The following DMD variants were observed in gnomAD, a reference collection of about 807,000 sequenced individuals.
DMD encodes dystrophin.
Under a neutral mutation model 330.1 loss-of-function variants are expected in DMD, and 63 were observed. The observed-to-expected ratio is 0.19, with a 90% CI of 0.16 to 0.24. The LOEUF is 0.24. Ranked by LOEUF, DMD falls within the 10% of genes least tolerant of loss-of-function variation. The probability of loss-of-function intolerance (pLI) is 1.00; values close to 1 mark genes in which losing one functional copy is unlikely to be tolerated. For missense variants in DMD, 3,344 were observed against 2,684.1 expected (o/e 1.25, Z -5.43); for synonymous variants, 1,223 against 959.8 (o/e 1.27, Z -5.07).
intron 50 of DMD, 127 bp downstream of exon 50, chrX:31,819,848 A>G (rs1361748463): frequency 8.8e-6 from 5 of 567,041 alleles, no homozygotes; most frequent in South Asian, 5.1e-5. Context: ...TGCACAGTCA[A>G]TAACACAAAG....
chrX:33,336,900 A>G (rs2054262507), intron 1 of DMD, among the ~76,000 whole-genome samples: 1 of 111,118 alleles, frequency 9.0e-6, no homozygotes, highest in African/African-American at 3.3e-5. Flanking sequence ...AGCTCTTACA[A>G]TGCATTTATC....
At chrX:32,774,165 G>A (rs2073916164) in intron 7 of DMD, among the ~76,000 whole-genome samples, 1 of 112,045 alleles carries the variant, frequency 8.9e-6, no homozygotes, top group African/African-American at 3.2e-5. Flanking sequence ...TTCCACGATT[G>A]TAATATAAGA....
At chrX:32,837,072 C>T (rs1212307628) in intron 4 of DMD, among the ~76,000 whole-genome samples, 4 of 111,584 alleles carry the variant, frequency 3.6e-5, no homozygotes. Context: ...GTGGTATGGC[C>T]TCAAAGGTGA....
chrX:32,621,937 G>C (rs1245982112), intron 11 of DMD, among the ~76,000 whole-genome samples: 1 of 111,357 alleles, frequency 9.0e-6, no homozygotes, highest in South Asian at 3.8e-4. Flanking sequence ...CTGGGATGAG[G>C]TCTAGAAATG....
intron 59 of DMD, among the ~76,000 whole-genome samples, chrX:31,465,966 G>A (rs967415343): frequency 8.9e-6 from 1 of 111,895 alleles, no homozygotes; most frequent in Non-Finnish European, 1.9e-5. Context: ...CATGTTTGTT[G>A]GCCGCATAAA....
intron 4 of DMD, among the ~76,000 whole-genome samples, chrX:32,829,218 T>G (rs1056619392): frequency 9.0e-6 from 1 of 111,593 alleles, no homozygotes; most frequent in African/African-American, 3.2e-5. Context: ...GCTTAAAGTA[T>G]ATAAATTATT....
intron 29 of DMD, among the ~76,000 whole-genome samples, chrX:32,417,954 A>G (rs774137198): frequency 8.1e-4 from 81 of 100,126 alleles, no homozygotes; most frequent in Admixed American, 1.1e-3. Context: ...AAGTGCAGTT[A>G]AAAAAAAAAA....
chrX:31,141,231 CAACAAA>C (rs1255248074), intron 76 of DMD, among the ~76,000 whole-genome samples: 2 of 111,780 alleles, frequency 1.8e-5, no homozygotes, highest in African/African-American at 3.3e-5. Context: ...ACAACAACAA[CAACAAA>C]ACCAGAATGA....
At chrX:32,932,047 G>A (rs1057290531) in intron 2 of DMD, among the ~76,000 whole-genome samples, 11 of 112,031 alleles carry the variant, frequency 9.8e-5, no homozygotes, top group South Asian at 7.3e-4. Context: ...AAACACAAAC[G>A]TATCTGTCCT....
At chrX:32,805,573 G>T (rs1211647615) in intron 7 of DMD, among the ~76,000 whole-genome samples, 3 of 111,151 alleles carry the variant, frequency 2.7e-5, no homozygotes, top group African/African-American at 9.8e-5. Flanking sequence ...TCAAATTTAG[G>T]AAATACAGAG....
At chrX:33,185,819 G>A (rs886259582) in intron 1 of DMD, among the ~76,000 whole-genome samples, 10 of 111,861 alleles carry the variant, frequency 8.9e-5, no homozygotes, top group Non-Finnish European at 1.9e-4. Context: ...TCCAACATAT[G>A]CTTCATTAAA....
Position 32,675,769 on chromosome X carries a change from T to C in DMD, c.960+22101A>G, listed in dbSNP as rs1286543314. The stretch of plus-strand genomic sequence containing the variant: ...ACCAGCTTATCAATTTTCTCAAGTG[T>C]AAAATGGATATATTAACAGAATCTT... On this transcript the variant is annotated intron_variant, in intron 9 of 78. Transcript: ENST00000357033. Among the ~76,000 whole-genome samples the C allele has an allele frequency of 3.6e-5, 4 of 111,853 alleles. No individual in the cohort carries two copies. In the Admixed American group the frequency reaches 3.8e-4, roughly 11 times the overall value.
intron 17 of DMD, among the ~76,000 whole-genome samples, chrX:32,539,903 C>A (rs957371090): frequency 9.0e-6 from 1 of 111,539 alleles, no homozygotes; most frequent in African/African-American, 3.3e-5. Flanking sequence ...TCTGCTTACC[C>A]TGGAGGGAAA....
In DMD at chrX:32,342,047, T is replaced by C. The variant is rs2097746058; in HGVS notation, c.5922+53A>G. On this transcript the variant is annotated intron_variant, in intron 41 of 78. Coordinates refer to ENST00000357033, the MANE Select transcript of DMD (RefSeq NM_004006.3). ...TTTTTTTTTTATTAGTAGGCCTCTG[T>C]TAATAGAGTAGTAGTTGCAAACACA... 6.2e-6 allele frequency: 7 copies of C among 1,128,956 alleles called. No individual in the cohort carries two copies. The South Asian group carries it at 1.1e-4, about 18-fold the overall frequency. The allele number at this position is 1,128,956 out of a possible 1,213,427, so 93.0% of individuals were successfully genotyped here.
intron 47 of DMD, among the ~76,000 whole-genome samples, chrX:31,906,445 T>C (rs2094479898): frequency 1.8e-5 from 2 of 112,254 alleles, no homozygotes; most frequent in Non-Finnish European, 3.8e-5. Context: ...TTTTGTCCCA[T>C]TGAATTGTGA....
intron 1 of DMD, among the ~76,000 whole-genome samples, chrX:33,277,284 A>C (rs2053250113): frequency 9.0e-6 from 1 of 111,119 alleles, no homozygotes; most frequent in South Asian, 3.7e-4. Flanking sequence ...AGTGTGGACT[A>C]ACTGATAAAT....
chrX:31,561,180 A>G (rs1007565110), intron 55 of DMD, among the ~76,000 whole-genome samples: 2 of 112,123 alleles, frequency 1.8e-5, no homozygotes, highest in Non-Finnish European at 3.8e-5. Flanking sequence ...CTACTTCACA[A>G]GCTTGAACAG....
At chrX:33,082,108 A>G (rs972996216) in intron 1 of DMD, among the ~76,000 whole-genome samples, 1 of 111,550 alleles carries the variant, frequency 9.0e-6, no homozygotes, top group African/African-American at 3.3e-5. Flanking sequence ...AAAAATGGAG[A>G]AAAATAATTC....
chrX:32,729,323 T>C (rs769627208), intron 7 of DMD, among the ~76,000 whole-genome samples: 4 of 112,222 alleles, frequency 3.6e-5, no homozygotes, highest in African/African-American at 9.7e-5. Flanking sequence ...AACATATATT[T>C]TGGGGCAAGT....
Sources: gnomAD v4.1 joint callset for allele counts (sites outside exome capture counted in the v4.1 genomes callset) on GRCh38, gnomAD v4.1.1 for gene constraint, MANE v1.5 for transcripts, NCBI Gene and HGNC (gene_info 2026-07-23, HGNC 2026-07-21) for gene names.